Variants in GSTM2 observed in about 807,000 individuals in gnomAD.
GSTM2 encodes the protein GST class-mu 2.
Under a neutral mutation model 33.3 loss-of-function variants are expected in GSTM2, and 33 were observed. The ratio of observed to expected loss-of-function variants is 0.99; its 90% CI spans 0.75 to 1.33. GSTM2 has a LOEUF of 1.33. GSTM2 is among the 40% of genes most tolerant of loss of function. The pLI is 0.00. For missense variants in GSTM2, 213 were observed against 265.8 expected, an observed-to-expected ratio of 0.80 and a Z score of 1.38; for synonymous variants, 93 against 95.6, an observed-to-expected ratio of 0.97 and a Z score of 0.16.
chr1:109,678,574 C>T (rs1235706039), downstream of GSTM2, among the ~76,000 whole-genome samples: 1 of 151,824 alleles, frequency 6.6e-6, no homozygotes, highest in African/African-American at 2.4e-5. Flanking sequence ...GGTGAGACCA[C>T]ATCTCTACTA....
chr1:109,673,104 A>G, intron 7 of GSTM2: 2 of 1,448,134 alleles, frequency 1.4e-6, no homozygotes, highest in East Asian at 2.4e-5. Context: ...TCCTGACCTC[A>G]GGTGATCCAC....
downstream of GSTM2, among the ~76,000 whole-genome samples, chr1:109,678,273 T>G (rs1017725961): frequency 3.3e-5 from 5 of 152,110 alleles, no homozygotes; most frequent in African/African-American, 1.2e-4. Flanking sequence ...GCCTCCTGAG[T>G]AGCTGGGACT....
chr1:109,669,422 G>T (rs201194534), intron 4 of GSTM2, 49 bp from the exon 5 acceptor site: 264 of 1,613,244 alleles, frequency 1.6e-4, no homozygotes, highest in Non-Finnish European at 2.1e-4. Flanking sequence ...CCTCCTCCTC[G>T]GCTTGGCTGG....
intron 7 of GSTM2, among the ~76,000 whole-genome samples, chr1:109,682,225 TA>T (rs1225428030): frequency 3.8e-4 from 12 of 31,304 alleles, no homozygotes; most frequent in African/African-American, 8.9e-4. Flanking sequence ...GTTAATTACC[TA>T]AGTTTTTTTT....
At chr1:109,671,445 C>T in intron 6 of GSTM2, 28 bp from the exon 7 acceptor site, 1 of 1,570,106 alleles carries the variant, frequency 6.4e-7, no homozygotes, top group Non-Finnish European at 8.8e-7. Flanking sequence ...ATGGAGGTTT[C>T]AGCCCACATA....
At chr1:109,679,409 T>G (rs577759460), downstream of GSTM2, among the ~76,000 whole-genome samples, 9 of 152,316 alleles carry the variant, frequency 5.9e-5, no homozygotes, top group African/African-American at 2.2e-4. Flanking sequence ...AGGCAGAGGT[T>G]GCAGTGAGCC....
downstream of GSTM2, among the ~76,000 whole-genome samples, chr1:109,676,033 G>A (rs1647695863): frequency 6.6e-6 from 1 of 152,172 alleles, no homozygotes; most frequent in African/African-American, 2.4e-5. Context: ...CAGGCAAGAG[G>A]GCGTGTGCAG....
chr1:109,668,682 C>G, intron 2 of GSTM2, 182 bp downstream of exon 2: 1 of 830,028 alleles, frequency 1.2e-6, no homozygotes, highest in Non-Finnish European at 2.0e-6. Flanking sequence ...ATGCTGGGCC[C>G]CCGTCTGGGT....
chr1:109,673,162 G>A (rs762746836), intron 7 of GSTM2: 134 of 1,606,276 alleles, frequency 8.3e-5, no homozygotes, highest in South Asian at 7.2e-4. Flanking sequence ...GAGCCACCGC[G>A]CCTGGCCTCT....
intron 1 of GSTM2, 136 bp downstream of exon 1, chr1:109,668,287 T>C: frequency 7.6e-7 from 1 of 1,321,952 alleles, no homozygotes; most frequent in Non-Finnish European, 1.1e-6. Context: ...TGCCGCTGTC[T>C]GTGCGTGTGG....
chr1:109,678,172 G>T (rs71665003), downstream of GSTM2, among the ~76,000 whole-genome samples: 2 of 151,958 alleles, frequency 1.3e-5, no homozygotes, highest in Non-Finnish European at 2.9e-5. Flanking sequence ...TGAGACAGAG[G>T]CTCACTCTGT....
downstream of GSTM2, among the ~76,000 whole-genome samples, chr1:109,676,330 T>A (rs570328483): frequency 6.6e-6 from 1 of 152,308 alleles, no homozygotes; most frequent in South Asian, 2.1e-4. Flanking sequence ...TCTGACTGCA[T>A]CCTTTGCTTT....
chr1:109,677,313 G>A (rs1244077264), downstream of GSTM2, among the ~76,000 whole-genome samples: 1 of 152,190 alleles, frequency 6.6e-6, no homozygotes, highest in Non-Finnish European at 1.5e-5. Context: ...CTACAGGAAT[G>A]AGTCCTAATG....
chr1:109,679,620 A>G (rs1372675244), downstream of GSTM2, among the ~76,000 whole-genome samples: 1 of 152,192 alleles, frequency 6.6e-6, no homozygotes, highest in Admixed American at 6.5e-5. Flanking sequence ...CCCATTCTCT[A>G]CTGGTGGCTT....
At chr1:109,674,513 G>A (rs560688997) in intron 7 of GSTM2, among the ~76,000 whole-genome samples, 3 of 152,320 alleles carry the variant, frequency 2.0e-5, no homozygotes, top group South Asian at 4.1e-4. Context: ...ACCCAGCACC[G>A]TGTAGAATCT....
chr1:109,679,591 T>A (rs975539368), downstream of GSTM2, among the ~76,000 whole-genome samples: 13 of 152,360 alleles, frequency 8.5e-5, no homozygotes, highest in South Asian at 6.2e-4. Context: ...TTTGTGAATC[T>A]CCTGTATAAA....
chr1:109,668,565 T>A, intron 2 of GSTM2, 65 bp downstream of exon 2: 1 of 1,546,958 alleles, frequency 6.5e-7, no homozygotes, highest in Non-Finnish European at 8.9e-7. Flanking sequence ...CAACCGATAG[T>A]GGCCACCTGT....
chr1:109,673,264 T>C (rs760174004), intron 7 of GSTM2: 10 of 1,611,128 alleles, frequency 6.2e-6, no homozygotes, highest in Non-Finnish European at 7.6e-6. Flanking sequence ...CCTTCTCCTC[T>C]GCATGAGGCA....
chr1:109,669,380 A>G lies in GSTM2; in HGVS notation c.259+9A>G. ...CCGCAAGCACAACCTGTGTGAGTAGATTTGGTTGCAAGATGCGGGGAGGGA... is the reference window on the plus strand; with the variant it reads ...CCGCAAGCACAACCTGTGTGAGTAGGTTTGGTTGCAAGATGCGGGGAGGGA... On this transcript the variant is annotated intron_variant, in intron 4 of 7. Coordinates refer to ENST00000241337, the MANE Select transcript of GSTM2 (RefSeq NM_000848.4). 1 of 1,614,170 alleles carries G rather than the reference A, an allele frequency of 6.2e-7. No homozygotes were observed.
Sources: gnomAD v4.1 joint callset for allele counts (sites outside exome capture counted in the v4.1 genomes callset) on GRCh38, gnomAD v4.1.1 for gene constraint, MANE v1.5 for transcripts, NCBI Gene and HGNC (gene_info 2026-07-23, HGNC 2026-07-21) for gene names.